The following KCNJ5 variants were observed in gnomAD, a reference collection of about 807,000 sequenced individuals.
The protein encoded by KCNJ5 is potassium inwardly rectifying channel subfamily J member 5, also known as G protein-activated inward rectifier potassium channel 4.
A neutral mutation model predicts 20.2 loss-of-function variants in KCNJ5; 12 were observed. The observed-to-expected ratio is 0.59, with a 90% CI of 0.38 to 0.96. The LOEUF (loss-of-function observed/expected upper bound fraction) is 0.96, where lower values mean the gene tolerates loss of function less well. Ranked by LOEUF, KCNJ5 falls within the 40% of genes least tolerant of loss-of-function variation. KCNJ5 has a pLI of 0.00. For missense variants in KCNJ5, 449 were observed against 557.6 expected (o/e 0.81, Z 1.96); for synonymous variants, 210 against 213.9 (o/e 0.98, Z 0.16).
Position 128,916,621 on chromosome 11 carries a change from C to T in KCNJ5, c.1150C>T (p.Pro384Ser). The T allele has an allele frequency of 1.2e-6, 2 of 1,613,984 alleles. No individual in the cohort carries two copies. The highest frequency in any genetic ancestry group is 1.7e-6 in the Non-Finnish European group (2 of 1,179,916). ...GRLLQYLPSP[P>S]LLGGCAEAGL... ...GCTCCTCCAGTACCTCCCCAGCCCCCCACTGCTGGGGGGCTGTGCTGAGGC... is the reference window on the plus strand; with the variant it reads ...GCTCCTCCAGTACCTCCCCAGCCCCTCACTGCTGGGGGGCTGTGCTGAGGC... Residue 384 changes from proline (P) to serine (S), a missense_variant, in exon 3 of 3, where the codon CCA (proline) becomes TCA (serine). Pro to Ser is a moderately conservative substitution (Grantham distance 74). This residue lies in a region of KCNJ5 where 64 missense variants were observed against 51.3 expected (regional missense o/e 1.25). Coordinates refer to ENST00000529694, the MANE Select transcript of KCNJ5 (RefSeq NM_000890.5).
Position 128,912,081 on chromosome 11 carries a change from CT to C in KCNJ5, c.810del (p.Val271CysfsTer4). ...GFDTGDDRLF[L>X]VSPLIISHEI... ...TGACACGGGCGACGACCGCCTCTTCCTTGTGTCTCCTCTGATCATCTCCCAT... is the reference window on the plus strand; with the variant it reads ...TGACACGGGCGACGACCGCCTCTTCCTGTGTCTCCTCTGATCATCTCCCAT... On this transcript the variant is annotated frameshift_variant, in exon 2 of 3. Coordinates refer to ENST00000529694, the MANE Select transcript of KCNJ5 (RefSeq NM_000890.5). LOFTEE classifies it high-confidence loss of function. The C allele has an allele frequency of 6.2e-7, 1 of 1,613,916 alleles. No individual in the cohort carries two copies. The highest frequency in any genetic ancestry group is 8.5e-7 in the Non-Finnish European group (1 of 1,180,004).
At chr11:128,916,378 A>G in intron 2 of KCNJ5, 31 bp from the exon 3 acceptor site, 1 of 1,509,232 alleles carries the variant, frequency 6.6e-7, no homozygotes, top group Non-Finnish European at 9.2e-7. Flanking sequence ...GGATGATTGC[A>G]TCATAATGCA....
rs1944633033 is a variant in KCNJ5, at chr11:128,919,159, T to C, written c.*2428T>C. 1 of 151,930 alleles carries C rather than the reference T, an allele frequency of 6.6e-6. No individual in the cohort carries two copies. Among genetic ancestry groups the C allele is most frequent in the African/African-American group, 2.4e-5 (1 of 41,286 alleles). The allele number at this position is 151,930 out of a possible 1,614,324, so 9.4% of individuals were successfully genotyped here. On this transcript the variant is annotated 3_prime_UTR_variant, in exon 3 of 3. Transcript: ENST00000529694. ...GCCCCCAGGTTAGAGCTCATGGGGG[T>C]CAACTAAGCGAGGGAGGGAAGGCGA...
At chr11:128,912,343 AT>A (rs1448965085) in intron 2 of KCNJ5, 133 bp downstream of exon 2, 2 of 771,966 alleles carry the variant, frequency 2.6e-6, no homozygotes, top group East Asian at 5.1e-5. Context: ...CAATCCCTAA[AT>A]TGTGGTTTGA....
chr11:128,893,947 G>A (rs1296619203), intron 1 of KCNJ5, among the ~76,000 whole-genome samples: 2 of 152,230 alleles, frequency 1.3e-5, no homozygotes, highest in African/African-American at 4.8e-5. Flanking sequence ...TCCCTTTGGG[G>A]CTTTCTGCAA....
intron 2 of KCNJ5, among the ~76,000 whole-genome samples, chr11:128,914,628 T>C (rs57304419): frequency 0.064 from 9,775 of 152,260 alleles, 782 homozygotes; most frequent in African/African-American, 0.18. Flanking sequence ...TTGAGCAAGC[T>C]GCTTACCTTG....
At chr11:128,916,240 GATTA>G (rs878945612) in intron 2 of KCNJ5, among the ~76,000 whole-genome samples, 165 bp from the exon 3 acceptor site, 1 of 80,524 alleles carries the variant, frequency 1.2e-5, no homozygotes, top group African/African-American at 6.5e-5. Context: ...ATGGATAGAT[GATTA>G]GATGGATGGA....
rs183645387 is a variant in KCNJ5 at position 128,910,300 on chromosome 11, C to T, written c.-10-964C>T. On this transcript the variant is annotated intron_variant, in intron 1 of 2. Coordinates refer to ENST00000529694, the MANE Select transcript of KCNJ5 (RefSeq NM_000890.5). ...GGTAGGCACCCCCACAAACACATTA[C>T]GCCCTTTGAAGAGCTTTGGGGCCAT... Among the ~76,000 whole-genome samples, 296 of 152,264 alleles carry T rather than the reference C, an allele frequency of 1.9e-3. 1 individual carries two copies. The highest frequency in any genetic ancestry group is 6.7e-3 in the African/African-American group (279 of 41,550).
intron 1 of KCNJ5, among the ~76,000 whole-genome samples, chr11:128,893,570 G>A (rs1322584218): frequency 2.0e-5 from 3 of 152,296 alleles, no homozygotes; most frequent in Non-Finnish European, 4.4e-5. Flanking sequence ...AGCCACTCAG[G>A]CATGGCTGTT....
chr11:128,916,453 C>A lies in KCNJ5; in HGVS notation c.982C>A (p.Leu328Ile), dbSNP rs2136003855. 6.2e-7 allele frequency: 1 copy of A among 1,614,232 alleles called. No homozygotes were observed. Among genetic ancestry groups the A allele is most frequent in the Middle Eastern group, 1.6e-4 (1 of 6,062 alleles). Residue 328 changes from leucine to isoleucine, a missense_variant, in exon 3 of 3, where the codon CTC becomes ATC. By Grantham distance (5) the Leu-to-Ile change is conservative. This residue lies in a region of KCNJ5 where 34 missense variants were observed against 63.8 expected (regional missense o/e 0.53). Coordinates refer to ENST00000529694, the MANE Select transcript of KCNJ5 (RefSeq NM_000890.5). ...GAGCTCCTACATGGATACAGAGGTG[C>A]TCTGGGGCCACCGATTCACACCAGT... is the stretch of plus-strand genomic sequence containing the variant. ...ARSSYMDTEV[L>I]WGHRFTPVLT...
At position 128,892,722 on chromosome 11, in the gene KCNJ5, G is replaced by A. The variant is rs908834109; in HGVS notation, c.-11+1001G>A. Among the ~76,000 whole-genome samples, 5 of 152,072 alleles carry A rather than the reference G, an allele frequency of 3.3e-5. No homozygotes were observed. The South Asian group carries it at 6.2e-4, about 19-fold the overall frequency. On this transcript the variant is annotated intron_variant, in intron 1 of 2. Transcript: ENST00000529694. ...TATATCTGACTCCAAAATGTGCCTCGTTTTCATCAAAAGCCATATGGTTTA... is the reference window on the plus strand; with the variant it reads ...TATATCTGACTCCAAAATGTGCCTCATTTTCATCAAAAGCCATATGGTTTA...
chr11:128,903,260 A>T, intron 1 of KCNJ5: 1 of 1,270,852 alleles, frequency 7.9e-7, no homozygotes, highest in East Asian at 2.5e-5. Flanking sequence ...AAGCTCTAAG[A>T]CATCCCATTT....
intron 1 of KCNJ5, among the ~76,000 whole-genome samples, chr11:128,896,525 T>C (rs1944179244): frequency 6.6e-6 from 1 of 152,210 alleles, no homozygotes; most frequent in Non-Finnish European, 1.5e-5. Context: ...TTATACAGTA[T>C]GTAATCTTTT....
At position 128,891,447 on chromosome 11, in the gene KCNJ5, G is replaced by GAGAA. The variant is rs1378142963; in HGVS notation, c.-282_-281insAAGA. On this transcript the variant is annotated 5_prime_UTR_variant, in exon 1 of 3. Transcript: ENST00000529694. ...ACACACACACACACACACACAGAGA[G>GAGAA]AGAGAGAGAGAGAGAGAGAGAGAGA... 7.1e-6 allele frequency: 1 copy of GAGAA among 140,732 alleles called. No individual in the cohort carries two copies. The highest frequency in any genetic ancestry group is 2.1e-4 in the East Asian group (1 of 4,878). The allele number at this position is 140,732 out of a possible 1,614,324, so 8.7% of individuals were successfully genotyped here.
chr11:128,901,690 G>A (rs1329999413), intron 1 of KCNJ5: 1 of 152,274 alleles, frequency 6.6e-6, no homozygotes, highest in Non-Finnish European at 1.5e-5. Flanking sequence ...TCCCCTTTGA[G>A]GGACTGAGGC....
At position 128,911,070 on chromosome 11, in the gene KCNJ5, C is replaced by A. The variant is rs545681090; in HGVS notation, c.-10-194C>A. 75 of 604,818 alleles carry A rather than the reference C, an allele frequency of 1.2e-4. No individual in the cohort carries two copies. In the East Asian group the frequency reaches 2.0e-3, roughly 16 times the overall value. 37.5% of individuals were successfully genotyped at this position (604,818 alleles called of 1,614,324 possible). On this transcript the variant is annotated intron_variant, in intron 1 of 2. Transcript: ENST00000529694. This position sits in a 1 kb window ranked among gnomAD's most constrained non-coding sequence, Gnocchi z 6.3. ...TAGCAAGCATCTATTTTGTGCTAGA[C>A]TCTGTACTAGGCACCAGGGATACAA...
intron 2 of KCNJ5, 32 bp from the exon 3 acceptor site, chr11:128,916,377 C>T (rs773274218): frequency 8.1e-6 from 12 of 1,483,436 alleles, no homozygotes; most frequent in Non-Finnish European, 1.0e-5. Context: ...TGGATGATTG[C>T]ATCATAATGC....
intron 1 of KCNJ5, chr11:128,902,577 C>T: frequency 6.2e-7 from 1 of 1,610,082 alleles, no homozygotes; most frequent in Non-Finnish European, 8.5e-7. Context: ...CCACCGGAAC[C>T]AGGCTGATGG....
chr11:128,904,507 C>A (rs374916991), intron 1 of KCNJ5: 95 of 1,549,468 alleles, frequency 6.1e-5, no homozygotes, highest in Non-Finnish European at 8.2e-5. Context: ...TGGCAGCGTG[C>A]GTCCAGGGCG....
Sources: allele counts gnomAD v4.1 joint callset (sites outside exome capture counted in the v4.1 genomes callset), GRCh38; gene constraint gnomAD v4.1.1; regional missense constraint gnomAD v4.1.1; non-coding constraint Gnocchi (gnomAD v3.1); transcripts MANE v1.5; gene names NCBI Gene and HGNC (gene_info 2026-07-23, HGNC 2026-07-21).